ST7: variants seen among roughly 807,000 people sequenced by gnomAD.
ST7 encodes the protein suppressor of tumorigenicity 7 protein.
In ST7, 28 loss-of-function variants were observed where a neutral mutation model predicts 78.7. The observed-to-expected ratio is 0.36, with a 90% confidence interval of 0.26 to 0.49. ST7 has a LOEUF of 0.49. ST7 is among the 20% of genes least tolerant of loss of function. The pLI is 0.99. For synonymous variants in ST7, 247 were observed against 249.6 expected, an observed-to-expected ratio of 0.99 and a Z score of 0.10; for missense variants, 418 against 696.0, an observed-to-expected ratio of 0.60 and a Z score of 4.49.
rs1013465208 is a variant in ST7 at position 117,064,233 on chromosome 7, CAT to C, written c.152-35524_152-35523del. On this transcript the variant is annotated intron_variant, in intron 1 of 15. Transcript: ENST00000323984. ...TCCTACTTAACATATTGTAAATAAA[CAT>C]ATATTCTTTTGCTTTTCTTTTAGTT... is the stretch of plus-strand genomic sequence containing the variant. 7.9e-5 allele frequency among the ~76,000 whole-genome samples: 12 copies of C among 151,916 alleles called. No homozygotes were observed. In the East Asian group the frequency reaches 1.9e-3, roughly 25 times the overall value.
intron 9 of ST7, among the ~76,000 whole-genome samples, chr7:117,158,394 T>C (rs1229428942): frequency 4.6e-5 from 7 of 152,198 alleles, no homozygotes; most frequent in African/African-American, 1.7e-4. Flanking sequence ...ACAGGAAAAG[T>C]AGATAATTAT....
At chr7:116,976,533 G>A (rs1249954373) in intron 1 of ST7, among the ~76,000 whole-genome samples, 1 of 152,168 alleles carries the variant, frequency 6.6e-6, no homozygotes, top group Non-Finnish European at 1.5e-5. Flanking sequence ...AGAAGCAAAA[G>A]AAGCCAAGTG....
intron 2 of ST7, among the ~76,000 whole-genome samples, chr7:117,100,180 A>G (rs1334818796): frequency 6.6e-6 from 1 of 152,196 alleles, no homozygotes; most frequent in Non-Finnish European, 1.5e-5. Flanking sequence ...ACTAAAAATC[A>G]TCAATATGGG....
intron 10 of ST7, among the ~76,000 whole-genome samples, chr7:117,183,477 A>T (rs912792556): frequency 2.6e-5 from 4 of 152,060 alleles, no homozygotes; most frequent in African/African-American, 9.7e-5. Flanking sequence ...ATATAGTTAC[A>T]GGTACAACTC....
chr7:117,142,060 C>T (rs949867080), intron 9 of ST7, among the ~76,000 whole-genome samples: 2 of 152,090 alleles, frequency 1.3e-5, no homozygotes, highest in African/African-American at 2.4e-5. Flanking sequence ...TTTCTGCTTG[C>T]TCTCATGTTT....
In ST7 at chr7:117,190,775, C is replaced by T. The variant is rs1760710213; in HGVS notation, c.1152-59C>T. 2.1e-6 allele frequency: 3 copies of T among 1,425,170 alleles called. No homozygotes were observed. Among genetic ancestry groups the T allele is most frequent in the Non-Finnish European group, 9.9e-7 (1 of 1,012,552 alleles). 88.3% of individuals were successfully genotyped at this position (1,425,170 alleles called of 1,614,324 possible). ...ATGGGCCCTAGATGTGTAGATGCTT[C>T]CGGGTTGATGCCCAAGCAGTGGTCC... On this transcript the variant is annotated intron_variant, in intron 11 of 15. Coordinates refer to ENST00000323984, the MANE Select transcript of ST7 (RefSeq NM_001369598.1). The surrounding 1 kb of genome is among the most constrained non-coding windows in gnomAD (Gnocchi z 5.2).
chr7:117,099,690 G>A, intron 1 of ST7, 72 bp from the exon 2 acceptor site: 4 of 1,070,128 alleles, frequency 3.7e-6, no homozygotes, highest in Non-Finnish European at 5.5e-6. Flanking sequence ...AGAGAAAAAT[G>A]AAAGAGCTGG....
At chr7:117,070,848 G>C (rs1798905500) in intron 1 of ST7, among the ~76,000 whole-genome samples, 1 of 152,014 alleles carries the variant, frequency 6.6e-6, no homozygotes, top group Non-Finnish European at 1.5e-5. Context: ...CGGCCAATGT[G>C]AGCATGTTTA....
chr7:116,996,466 C>A (rs1794660381), intron 1 of ST7, among the ~76,000 whole-genome samples: 1 of 152,160 alleles, frequency 6.6e-6, no homozygotes, highest in Non-Finnish European at 1.5e-5. Context: ...TGAGCTAATA[C>A]CTCTGCCAAT....
chr7:117,009,683 AT>A (rs950956668), intron 1 of ST7, among the ~76,000 whole-genome samples: 19 of 151,484 alleles, frequency 1.3e-4, no homozygotes, highest in South Asian at 4.2e-4. Flanking sequence ...TAATTGCTAT[AT>A]TTTTTTTTAA....
At chr7:117,160,075 T>G (rs965701645) in intron 9 of ST7, among the ~76,000 whole-genome samples, 1 of 150,688 alleles carries the variant, frequency 6.6e-6, no homozygotes, top group African/African-American at 2.4e-5. Context: ...TGGCTAATTT[T>G]AATTTAATTT....
At chr7:117,113,785 C>T (rs1361593165) in intron 2 of ST7, among the ~76,000 whole-genome samples, 3 of 152,052 alleles carry the variant, frequency 2.0e-5, no homozygotes, top group Admixed American at 2.0e-4. Flanking sequence ...TGAGCACCAC[C>T]CAGACCAACT....
chr7:117,034,302 A>G (rs951090206), intron 1 of ST7, among the ~76,000 whole-genome samples: 1 of 152,004 alleles, frequency 6.6e-6, no homozygotes, highest in African/African-American at 2.4e-5. Context: ...AATGCTACCT[A>G]CTGTTATTAG....
At chr7:117,039,865 G>T (rs1479400443) in intron 1 of ST7, among the ~76,000 whole-genome samples, 1 of 152,046 alleles carries the variant, frequency 6.6e-6, no homozygotes, top group Non-Finnish European at 1.5e-5. Context: ...TTCTGTAGTC[G>T]CAAATCAGAC....
intron 1 of ST7, among the ~76,000 whole-genome samples, chr7:117,042,784 T>C (rs920123892): frequency 7.9e-5 from 12 of 152,152 alleles, no homozygotes; most frequent in Non-Finnish European, 1.3e-4. Context: ...ACTTTTGTGC[T>C]TTCCTTTTTT....
intron 1 of ST7, among the ~76,000 whole-genome samples, chr7:117,014,289 T>TTGAAACAAC (rs1159535278): frequency 1.3e-5 from 2 of 151,832 alleles, no homozygotes; most frequent in Admixed American, 1.3e-4. Context: ...ATGCTCAAGA[T>TTGAAACAAC]TGGCAATGGA....
At chr7:117,029,525 TA>T (rs1414587944) in intron 1 of ST7, among the ~76,000 whole-genome samples, 3 of 152,146 alleles carry the variant, frequency 2.0e-5, no homozygotes, top group African/African-American at 7.2e-5. Context: ...TATTTTCTTA[TA>T]GTCTGTAGCT....
chr7:117,131,041 A>T (rs1804305716), intron 5 of ST7, among the ~76,000 whole-genome samples: 1 of 151,778 alleles, frequency 6.6e-6, no homozygotes, highest in East Asian at 1.9e-4. Flanking sequence ...GAATGGGGTC[A>T]TGGCCTTGGC....
intron 1 of ST7, chr7:116,972,401 G>C: frequency 1.5e-6 from 1 of 687,182 alleles, no homozygotes; most frequent in Non-Finnish European, 2.6e-6. Context: ...GCAGGACTCA[G>C]ACACTTCAGA....
Sources: gnomAD v4.1 joint callset for allele counts (sites outside exome capture counted in the v4.1 genomes callset) on GRCh38, gnomAD v4.1.1 for gene constraint, Gnocchi (gnomAD v3.1) non-coding constraint, MANE v1.5 for transcripts, NCBI Gene and HGNC (gene_info 2026-07-23, HGNC 2026-07-21) for gene names.